NECTIN3: variants seen among roughly 807,000 people sequenced by gnomAD.
The protein encoded by NECTIN3 is nectin-3.
In NECTIN3, 8 loss-of-function variants were observed where a neutral mutation model predicts 49.4. The ratio of observed to expected loss-of-function variants is 0.16; its 90% CI spans 0.10 to 0.29. The LOEUF (loss-of-function observed/expected upper bound fraction) is 0.29. NECTIN3 is among the 10% of genes least tolerant of loss of function. NECTIN3 has a pLI of 1.00. For missense variants in NECTIN3, 581 were observed against 654.6 expected (o/e 0.89, Z 1.23); for synonymous variants, 277 against 241.1 (o/e 1.15, Z -1.38).
intron 1 of NECTIN3, among the ~76,000 whole-genome samples, chr3:111,092,219 C>T (rs1344495595): frequency 6.6e-6 from 1 of 152,204 alleles, no homozygotes. Context: ...GGTATGTGTT[C>T]TGCAAATGAT....
At chr3:111,182,089 T>C (rs1174725905) in intron 7 of NECTIN3, among the ~76,000 whole-genome samples, 1 of 152,084 alleles carries the variant, frequency 6.6e-6, no homozygotes, top group African/African-American at 2.4e-5. Context: ...TATCTTTTAT[T>C]TCTTTGCTTA....
At chr3:111,115,561 C>G (rs755742551) in intron 2 of NECTIN3, among the ~76,000 whole-genome samples, 1 of 152,160 alleles carries the variant, frequency 6.6e-6, no homozygotes, top group Non-Finnish European at 1.5e-5. Context: ...GCAAGATTCC[C>G]AAGTGACTTA....
At chr3:111,154,547 T>A (rs956367602) in intron 7 of NECTIN3, among the ~76,000 whole-genome samples, 1 of 152,160 alleles carries the variant, frequency 6.6e-6, no homozygotes, top group Non-Finnish European at 1.5e-5. Context: ...ATATGGTAAG[T>A]ATGTGTTTAA....
At chr3:111,114,085 C>T (rs1346558774) in intron 2 of NECTIN3, among the ~76,000 whole-genome samples, 4 of 152,046 alleles carry the variant, frequency 2.6e-5, no homozygotes, top group Non-Finnish European at 5.9e-5. Flanking sequence ...TTTAGTAGTT[C>T]CCTCTCAATT....
At chr3:111,123,925 T>G (rs543866679) in intron 4 of NECTIN3, among the ~76,000 whole-genome samples, 3 of 152,182 alleles carry the variant, frequency 2.0e-5, no homozygotes, top group Admixed American at 6.5e-5. Context: ...GTTTTTTAAA[T>G]CTATTTTCTG....
chr3:111,112,094 A>G lies in NECTIN3; in HGVS notation c.225A>G (p.Ser75=). 6.2e-7 allele frequency: 1 copy of G among 1,613,844 alleles called. No homozygotes were observed. The highest frequency in any genetic ancestry group is 1.1e-5 in the South Asian group (1 of 91,066). Residue 75 remains serine, a synonymous_variant, in exon 2 of 6, where the codon TCA becomes TCG. Transcript: ENST00000485303. The stretch of plus-strand genomic sequence containing the variant: ...CAGCAGTATGGGGAAAGAATGTTTC[A>G]TTAAAGTGTTTAATTGAAGTAAATG... ...HVTAVWGKNV[S]LKCLIEVNET... is the part of the protein sequence containing the mutation.
rs55952708 is a variant in NECTIN3 at position 111,124,715 on chromosome 3, G to A, written c.918-1469G>A. Among the ~76,000 whole-genome samples the A allele has an allele frequency of 8.6e-3, 1,311 of 152,094 alleles. 26 individuals are homozygous for A. Among genetic ancestry groups the A allele is most frequent in the African/African-American group, 0.029 (1,220 of 41,496 alleles). On this transcript the variant is annotated intron_variant, in intron 4 of 5. Transcript: ENST00000485303. ...TTTACCACTCACTACACTTGAGATC[G>A]CAAAACAAAATTATTCTATCTGTTC...
chr3:111,086,529 A>G (rs1017480255), intron 1 of NECTIN3, among the ~76,000 whole-genome samples: 4 of 152,150 alleles, frequency 2.6e-5, no homozygotes, highest in African/African-American at 4.8e-5. Flanking sequence ...CTGCTGTGCA[A>G]TGCTGGCTTT....
chr3:111,079,197 A>G (rs1193319614), intron 1 of NECTIN3, among the ~76,000 whole-genome samples: 3 of 152,080 alleles, frequency 2.0e-5, no homozygotes, highest in Admixed American at 6.6e-5. Flanking sequence ...CATGATTGCT[A>G]TTACTGAAAA....
intron 7 of NECTIN3, among the ~76,000 whole-genome samples, chr3:111,152,457 G>A (rs1275961130): frequency 6.6e-6 from 1 of 151,794 alleles, no homozygotes; most frequent in Non-Finnish European, 1.5e-5. Flanking sequence ...ACATATGATT[G>A]TAATTTTGCA....
Position 111,135,551 on chromosome 3 carries a change from T to C in NECTIN3, c.*1336T>C. 1.0e-6 allele frequency: 1 copy of C among 981,618 alleles called. No homozygotes were observed. Among genetic ancestry groups the C allele is most frequent in the Non-Finnish European group, 1.2e-6 (1 of 826,566 alleles). 60.8% of individuals were successfully genotyped at this position (981,618 alleles called of 1,614,324 possible). A position where few individuals can be genotyped will look rare whatever the true frequency, so the allele number is the denominator to read the frequency against. On this transcript the variant is annotated 3_prime_UTR_variant, in exon 6 of 6. Coordinates refer to ENST00000485303, the MANE Select transcript of NECTIN3 (RefSeq NM_015480.3). ...ATTATTGTGACAACTATTTTGAAGC[T>C]GAAAGGATAGTTTTTCTATTGCTAA... is the stretch of plus-strand genomic sequence containing the variant.
At chr3:111,145,431 G>A (rs1468386781) in intron 6 of NECTIN3, among the ~76,000 whole-genome samples, 2 of 152,116 alleles carry the variant, frequency 1.3e-5, no homozygotes, top group Non-Finnish European at 2.9e-5. Context: ...CTTATGTATA[G>A]ATATAACTGA....
chr3:111,161,479 A>C (rs2035211412), intron 7 of NECTIN3, among the ~76,000 whole-genome samples: 1 of 152,170 alleles, frequency 6.6e-6, no homozygotes, highest in South Asian at 2.1e-4. Flanking sequence ...CCCCCACGTC[A>C]CAGACCAGTA....
upstream of NECTIN3, among the ~76,000 whole-genome samples, chr3:111,190,164 G>T (rs975137801): frequency 6.6e-6 from 1 of 152,202 alleles, no homozygotes; most frequent in Non-Finnish European, 1.5e-5. Flanking sequence ...CAGGGGCCCT[G>T]TGTGATTGGC....
rs958754591 is a variant in NECTIN3, at chr3:111,137,196, G to A, written c.*2981G>A. 2.1e-6 allele frequency: 2 copies of A among 936,780 alleles called. No individual in the cohort carries two copies. The highest frequency in any genetic ancestry group is 3.6e-5 in the African/African-American group (2 of 56,008). The allele number at this position is 936,780 out of a possible 1,614,324, so 58.0% of individuals were successfully genotyped here. Reference sequence around the variant, plus strand: ...CTGCTAAAACACAGTATATGAACAAGTAAGAAGTTTATGTATGAAAGTAAT... The same window carrying A: ...CTGCTAAAACACAGTATATGAACAAATAAGAAGTTTATGTATGAAAGTAAT... On this transcript the variant is annotated 3_prime_UTR_variant, in exon 6 of 6. Transcript: ENST00000485303.
At chr3:111,183,159 C>T (rs535889142) in intron 7 of NECTIN3, among the ~76,000 whole-genome samples, 1 of 151,944 alleles carries the variant, frequency 6.6e-6, no homozygotes, top group Non-Finnish European at 1.5e-5. Context: ...TACATTATTA[C>T]TATTTTTGTT....
chr3:111,134,043 C>A lies in NECTIN3; in HGVS notation c.1478C>A (p.Thr493Asn). 6.2e-7 allele frequency: 1 copy of A among 1,613,050 alleles called. No homozygotes were observed. The highest frequency in any genetic ancestry group is 8.5e-7 in the Non-Finnish European group (1 of 1,179,536). Reference protein sequence around the residue: ...RKDYLEEPEKTQWNNVENLNR... With the variant: ...RKDYLEEPEKNQWNNVENLNR... Reference sequence around the variant, plus strand: ...GACTATTTAGAAGAGCCTGAAAAAACTCAGTGGAACAATGTAGAAAATCTC... The same window carrying A: ...GACTATTTAGAAGAGCCTGAAAAAAATCAGTGGAACAATGTAGAAAATCTC... The change falls in exon 6 of 6, where the codon ACT becomes AAT. Residue 493 changes from threonine (T) to asparagine (N), a missense_variant. By Grantham distance (65) the Thr-to-Asn change is moderately conservative. Coordinates refer to ENST00000485303, the MANE Select transcript of NECTIN3 (RefSeq NM_015480.3).
At chr3:111,072,277 G>A in intron 1 of NECTIN3, 100 bp downstream of exon 1, 1 of 1,456,854 alleles carries the variant, frequency 6.9e-7, no homozygotes, top group Admixed American at 2.5e-5. Context: ...GCAGCGAGGC[G>A]GTTGGTTGTG....
rs2031669583 is a variant in NECTIN3, at chr3:111,082,396, G to A, written c.160+10219G>A. Among the ~76,000 whole-genome samples, 5 of 151,958 alleles carry A rather than the reference G, an allele frequency of 3.3e-5. No individual in the cohort carries two copies. In the South Asian group the frequency reaches 1.0e-3, roughly 32 times the overall value. Reference sequence around the variant, plus strand: ...AACACAGGCAGAAGAGAGAGAGTGAGAAGAAAAAAGTGGAGAGAGGGAAGG... The same window carrying A: ...AACACAGGCAGAAGAGAGAGAGTGAAAAGAAAAAAGTGGAGAGAGGGAAGG... On this transcript the variant is annotated intron_variant, in intron 1 of 5. Transcript: ENST00000485303.
Sources: gnomAD v4.1 joint callset for allele counts (sites outside exome capture counted in the v4.1 genomes callset) on GRCh38, gnomAD v4.1.1 for gene constraint, MANE v1.5 for transcripts, NCBI Gene and HGNC (gene_info 2026-07-23, HGNC 2026-07-21) for gene names.